The following NFIA variants were observed in gnomAD, a reference collection of about 807,000 sequenced individuals.
The protein encoded by NFIA is nuclear factor I A.
NFIA carries 8 observed loss-of-function variants against 62.8 expected under a neutral mutation model. The observed-to-expected ratio is 0.13, with a 90% confidence interval of 0.07 to 0.23. NFIA has a LOEUF of 0.23. NFIA is among the 10% of genes least tolerant of loss of function. The pLI is 1.00. For missense variants in NFIA, 410 were observed against 642.1 expected (o/e 0.64, Z 3.91); for synonymous variants, 235 against 238.1 (o/e 0.99, Z 0.12).
At chr1:61,268,995 A>T (rs537556003) in intron 2 of NFIA, among the ~76,000 whole-genome samples, 37 of 152,200 alleles carry the variant, frequency 2.4e-4, no homozygotes, top group African/African-American at 8.4e-4. Context: ...AAGCTTCTGC[A>T]TTTTGTCTGA....
chr1:61,393,813 C>T (rs560681819), intron 7 of NFIA, among the ~76,000 whole-genome samples: 8 of 152,276 alleles, frequency 5.3e-5, no homozygotes, highest in Non-Finnish European at 1.2e-4. Context: ...CCAATGGGCT[C>T]AGCTTACTCA....
At chr1:61,103,226 T>C (rs1312698286) in intron 2 of NFIA, among the ~76,000 whole-genome samples, 1 of 152,224 alleles carries the variant, frequency 6.6e-6, no homozygotes, top group African/African-American at 2.4e-5. Context: ...TTCCTGCCTG[T>C]GTACACAGGT....
At chr1:61,217,048 T>G (rs1401389005) in intron 2 of NFIA, among the ~76,000 whole-genome samples, 1 of 150,816 alleles carries the variant, frequency 6.6e-6, no homozygotes, top group African/African-American at 2.4e-5. Flanking sequence ...ATTAAACTTT[T>G]TTTTTTCTTT....
intron 2 of NFIA, among the ~76,000 whole-genome samples, chr1:61,121,917 G>T (rs908107224): frequency 4.6e-5 from 7 of 152,148 alleles, no homozygotes; most frequent in Non-Finnish European, 1.0e-4. Context: ...TAGGTGGAAA[G>T]CTATTCCAGA....
chr1:61,154,018 T>C (rs1648614269), intron 2 of NFIA, among the ~76,000 whole-genome samples: 1 of 152,244 alleles, frequency 6.6e-6, no homozygotes. Flanking sequence ...TGGAATTTGT[T>C]AAAAGGATTG....
chr1:61,222,551 C>T (rs931158579), intron 2 of NFIA, among the ~76,000 whole-genome samples: 3 of 151,986 alleles, frequency 2.0e-5, no homozygotes, highest in Non-Finnish European at 4.4e-5. Context: ...AGAATTGAGC[C>T]CTGAGAGCTG....
intron 4 of NFIA, among the ~76,000 whole-genome samples, chr1:61,346,763 T>C (rs950597051): frequency 2.0e-5 from 3 of 152,202 alleles, no homozygotes; most frequent in Admixed American, 1.3e-4. Flanking sequence ...CTCATGCTGC[T>C]ATGAAGAAAT....
chr1:61,448,668 G>A (rs1262780754), intron 10 of NFIA, among the ~76,000 whole-genome samples: 2 of 152,142 alleles, frequency 1.3e-5, no homozygotes, highest in Non-Finnish European at 2.9e-5. Context: ...TTGTCATTCG[G>A]ACCCCAGAGT....
intron 2 of NFIA, among the ~76,000 whole-genome samples, chr1:61,197,936 G>GTGCCAT (rs1652151056): frequency 6.6e-6 from 1 of 151,978 alleles, no homozygotes; most frequent in Non-Finnish European, 1.5e-5. Context: ...AGCCAAGATC[G>GTGCCAT]TGCCATTGCA....
chr1:61,323,105 A>G (rs550160863), intron 3 of NFIA, among the ~76,000 whole-genome samples: 1 of 152,322 alleles, frequency 6.6e-6, no homozygotes, highest in South Asian at 2.1e-4. Flanking sequence ...CATGACACAT[A>G]CTTCTCAAAC....
chr1:61,220,725 T>G (rs189337820), intron 2 of NFIA, among the ~76,000 whole-genome samples: 1 of 152,336 alleles, frequency 6.6e-6, no homozygotes, highest in Admixed American at 6.5e-5. Context: ...CTAAATAGAA[T>G]GTGGTTTGCT....
chr1:61,086,068 G>A (rs753893199), intron 1 of NFIA, among the ~76,000 whole-genome samples: 3 of 152,152 alleles, frequency 2.0e-5, no homozygotes, highest in Non-Finnish European at 4.4e-5. Context: ...GATATGAATC[G>A]TTTGGAGCTA....
intron 2 of NFIA, among the ~76,000 whole-genome samples, chr1:61,239,165 A>AGGG (rs1655182331): frequency 6.6e-6 from 1 of 152,192 alleles, no homozygotes; most frequent in African/African-American, 2.4e-5. Context: ...TTTTAATTTT[A>AGGG]AATGTATCCA....
rs947083446 is a variant in NFIA at position 61,427,111 on chromosome 1, G to A, written c.1512+555G>A. 5.3e-5 allele frequency among the ~76,000 whole-genome samples: 8 copies of A among 152,248 alleles called. No homozygotes were observed. The South Asian group carries it at 6.2e-4, about 12-fold the overall frequency. ...ACCACTGGGGAGCAAGGTGCGGTGG[G>A]TGGCAAGGGGTGTGTATGAGTCATA... On this transcript the variant is annotated intron_variant, in intron 10 of 10. Transcript: ENST00000403491.
intron 2 of NFIA, among the ~76,000 whole-genome samples, chr1:61,191,638 C>T (rs1343216986): frequency 6.6e-6 from 1 of 152,070 alleles, no homozygotes; most frequent in Non-Finnish European, 1.5e-5. Context: ...TGTGATGTGC[C>T]TCTTTCTGGG....
At chr1:61,115,066 A>C (rs1646773172) in intron 2 of NFIA, among the ~76,000 whole-genome samples, 1 of 152,006 alleles carries the variant, frequency 6.6e-6, no homozygotes, top group Non-Finnish European at 1.5e-5. Flanking sequence ...TGCAACCTAC[A>C]CCTCCCGGGT....
intron 2 of NFIA, among the ~76,000 whole-genome samples, chr1:61,138,202 C>A (rs1259201208): frequency 1.3e-5 from 2 of 151,908 alleles, no homozygotes; most frequent in African/African-American, 4.8e-5. Context: ...CTCAATTGAT[C>A]CTCCCACCTC....
At chr1:61,391,389 A>G (rs951983331) in intron 7 of NFIA, among the ~76,000 whole-genome samples, 2 of 151,734 alleles carry the variant, frequency 1.3e-5, no homozygotes, top group Non-Finnish European at 2.9e-5. Flanking sequence ...GATTTAAGAC[A>G]TACAAAATGC....
chr1:61,390,153 C>T (rs1029260252), intron 7 of NFIA, among the ~76,000 whole-genome samples: 2 of 152,146 alleles, frequency 1.3e-5, no homozygotes, highest in African/African-American at 4.8e-5. Flanking sequence ...GCATCTGGCA[C>T]TACGCAAGTC....
Sources: gnomAD v4.1 joint callset for allele counts (sites outside exome capture counted in the v4.1 genomes callset) on GRCh38, gnomAD v4.1.1 for gene constraint, MANE v1.5 for transcripts, NCBI Gene and HGNC (gene_info 2026-07-23, HGNC 2026-07-21) for gene names.